Variants in KITLG observed in about 807,000 individuals in gnomAD.
KITLG encodes the protein KIT ligand.
A neutral mutation model predicts 34.1 loss-of-function variants in KITLG; 13 were observed. The observed-to-expected ratio is 0.38, with a 90% CI of 0.25 to 0.61. KITLG has a LOEUF of 0.61. KITLG is among the 20% of genes least tolerant of loss of function. The probability of loss-of-function intolerance (pLI) is 0.60; values close to 1 mark genes in which losing one functional copy is unlikely to be tolerated. For synonymous variants in KITLG, 110 were observed against 104.0 expected, an observed-to-expected ratio of 1.06 and a Z score of -0.35; for missense variants, 292 against 318.9, an observed-to-expected ratio of 0.92 and a Z score of 0.64.
intron 1 of KITLG, among the ~76,000 whole-genome samples, chr12:88,569,810 G>A (rs886438143): frequency 6.6e-6 from 1 of 152,140 alleles, no homozygotes; most frequent in Non-Finnish European, 1.5e-5. Flanking sequence ...TATTGAGTAT[G>A]TTACAAGGTG....
chr12:88,506,954 A>ACTGT, intron 7 of KITLG, 74 bp downstream of exon 7: 2 of 887,298 alleles, frequency 2.3e-6, no homozygotes, highest in Non-Finnish European at 3.8e-6. Context: ...TTAAAGGATC[A>ACTGT]TTTCTTGAGG....
In KITLG at chr12:88,502,173, C is replaced by G. The variant is rs188115749; in HGVS notation, c.*37+2986G>C. ...GTCATGTTTTCATTCATTCTGCCAT[C>G]TATTTCCCATTGACTACTGAATAAG... On this transcript the variant is annotated intron_variant, in intron 9 of 9. Transcript: ENST00000644744. Among the ~76,000 whole-genome samples the G allele has an allele frequency of 4.6e-5, 7 of 152,296 alleles. No individual in the cohort carries two copies. In the East Asian group the frequency reaches 1.4e-3, roughly 29 times the overall value.
At chr12:88,542,201 G>C (rs947610106) in intron 2 of KITLG, among the ~76,000 whole-genome samples, 3 of 152,094 alleles carry the variant, frequency 2.0e-5, no homozygotes, top group African/African-American at 7.2e-5. Flanking sequence ...TAATTTAGTA[G>C]TTCTTATCTT....
chr12:88,536,751 A>C (rs968451847), intron 2 of KITLG, among the ~76,000 whole-genome samples: 1 of 152,052 alleles, frequency 6.6e-6, no homozygotes, highest in Non-Finnish European at 1.5e-5. Flanking sequence ...ACCAAACACC[A>C]CATGTTCTCA....
chr12:88,519,283 G>A (rs917092591), intron 3 of KITLG, among the ~76,000 whole-genome samples: 7 of 151,994 alleles, frequency 4.6e-5, no homozygotes, highest in Admixed American at 2.6e-4. Flanking sequence ...ATAGGAGGAG[G>A]GACTCTTGTA....
At chr12:88,507,691 C>T (rs1869114822) in intron 6 of KITLG, among the ~76,000 whole-genome samples, 1 of 152,078 alleles carries the variant, frequency 6.6e-6, no homozygotes, top group Non-Finnish European at 1.5e-5. Flanking sequence ...ACACATTTGT[C>T]GGATGCCACT....
rs746162770 is a variant in KITLG at position 88,516,489 on chromosome 12, T to A, written c.365A>T (p.Asp122Val). Residue 122 changes from aspartate (D) to valine (V), a missense_variant and splice_region_variant, in exon 5 of 10, where the codon GAT (aspartate) becomes GTT (valine). Coordinates refer to ENST00000644744, the MANE Select transcript of KITLG (RefSeq NM_000899.5). The stretch of plus-strand genomic sequence containing the variant: ...TGGGCTCTTGAATGATTTTTTTAGA[T>A]CCTAGAAGAAAAAATAGGATTACAT... ...VECVKENSSK[D>V]LKKSFKSPEP... 6.3e-7 allele frequency: 1 copy of A among 1,593,614 alleles called. No individual in the cohort carries two copies.
chr12:88,530,504 T>G (rs1479517551), intron 3 of KITLG, among the ~76,000 whole-genome samples: 1 of 152,166 alleles, frequency 6.6e-6, no homozygotes, highest in Non-Finnish European at 1.5e-5. Flanking sequence ...CCCCCCTGCC[T>G]GCCTTCCCAA....
At chr12:88,552,784 A>C (rs369644209) in intron 1 of KITLG, among the ~76,000 whole-genome samples, 4 of 152,166 alleles carry the variant, frequency 2.6e-5, no homozygotes, top group African/African-American at 9.6e-5. Flanking sequence ...ACGCTTTTGG[A>C]AACCATGGGC....
intron 2 of KITLG, among the ~76,000 whole-genome samples, chr12:88,535,392 C>G (rs145535149): frequency 6.6e-6 from 1 of 152,260 alleles, no homozygotes; most frequent in East Asian, 1.9e-4. Flanking sequence ...TTTTCATATA[C>G]AGTCTCTACC....
At chr12:88,563,075 T>C (rs867557699) in intron 1 of KITLG, among the ~76,000 whole-genome samples, 2 of 152,374 alleles carry the variant, frequency 1.3e-5, no homozygotes, top group Non-Finnish European at 2.9e-5. Flanking sequence ...GAATTTATTG[T>C]AATACGCAAC....
At chr12:88,548,890 G>T (rs536744072) in intron 1 of KITLG, among the ~76,000 whole-genome samples, 1 of 152,266 alleles carries the variant, frequency 6.6e-6, no homozygotes, top group East Asian at 1.9e-4. Flanking sequence ...GTCTCGAGAA[G>T]AGCCATAGAA....
At chr12:88,523,745 T>G (rs1869766592) in intron 3 of KITLG, among the ~76,000 whole-genome samples, 1 of 152,224 alleles carries the variant, frequency 6.6e-6, no homozygotes, top group African/African-American at 2.4e-5. Flanking sequence ...ATGTTGCCAG[T>G]GTAGTCTCCG....
intron 2 of KITLG, among the ~76,000 whole-genome samples, chr12:88,545,005 G>T (rs575301769): frequency 8.5e-5 from 13 of 152,190 alleles, no homozygotes; most frequent in African/African-American, 2.9e-4. Flanking sequence ...CTCAAGCTTT[G>T]TTCATCCCGA....
At chr12:88,501,446 G>A (rs544062252) in intron 9 of KITLG, among the ~76,000 whole-genome samples, 244 of 151,886 alleles carry the variant, frequency 1.6e-3, no homozygotes, top group African/African-American at 5.3e-3. Flanking sequence ...TTTTTACTAC[G>A]GTTATTCTTA....
chr12:88,576,661 A>C (rs891681383), intron 1 of KITLG, among the ~76,000 whole-genome samples: 2 of 152,190 alleles, frequency 1.3e-5, no homozygotes, highest in African/African-American at 4.8e-5. Flanking sequence ...GTAAAACAGG[A>C]ATTAGAATCT....
chr12:88,500,748 G>T (rs558947874), intron 9 of KITLG, among the ~76,000 whole-genome samples: 1 of 152,086 alleles, frequency 6.6e-6, no homozygotes, highest in Non-Finnish European at 1.5e-5. Flanking sequence ...CTGTTCTCAC[G>T]CATGGTGTCA....
intron 6 of KITLG, among the ~76,000 whole-genome samples, chr12:88,510,866 C>G (rs973040235): frequency 1.3e-5 from 2 of 152,120 alleles, no homozygotes; most frequent in African/African-American, 2.4e-5. Context: ...AAGTCTTACC[C>G]CCTTTGTGCT....
intron 2 of KITLG, among the ~76,000 whole-genome samples, chr12:88,533,703 A>G (rs1392409398): frequency 1.3e-5 from 2 of 152,146 alleles, no homozygotes; most frequent in East Asian, 3.9e-4. Context: ...TAAAAACTTT[A>G]TCTTCCTTAT....
Sources: gnomAD v4.1 joint callset for allele counts (sites outside exome capture counted in the v4.1 genomes callset) on GRCh38, gnomAD v4.1.1 for gene constraint, MANE v1.5 for transcripts, NCBI Gene and HGNC (gene_info 2026-07-23, HGNC 2026-07-21) for gene names.